Variants in MTF2 observed in about 807,000 individuals in gnomAD.
MTF2 encodes metal response element binding transcription factor 2.
MTF2 carries 11 observed loss-of-function variants against 79.5 expected under a neutral mutation model. The ratio of observed to expected loss-of-function variants is 0.14; its 90% CI spans 0.09 to 0.23. The LOEUF (loss-of-function observed/expected upper bound fraction) is 0.23, where lower values mean the gene tolerates loss of function less well. MTF2 is among the 10% of genes least tolerant of loss of function. MTF2 has a pLI of 1.00. For synonymous variants in MTF2, 208 were observed against 232.8 expected, an observed-to-expected ratio of 0.89 and a Z score of 0.97; for missense variants, 486 against 711.2, an observed-to-expected ratio of 0.68 and a Z score of 3.60.
At chr1:93,091,835 C>T (rs1406572532) in intron 1 of MTF2, among the ~76,000 whole-genome samples, 2 of 152,130 alleles carry the variant, frequency 1.3e-5, no homozygotes, top group East Asian at 3.8e-4. Context: ...CTTATTAAAA[C>T]AATTGTTTCT....
At chr1:93,080,340 ACT>A (rs747641081) in intron 1 of MTF2, among the ~76,000 whole-genome samples, 4 of 152,194 alleles carry the variant, frequency 2.6e-5, no homozygotes, top group African/African-American at 4.8e-5. Context: ...CAGAACTCTA[ACT>A]CTGTGTTTTA....
chr1:93,102,283 CT>C (rs1655576797), intron 1 of MTF2, among the ~76,000 whole-genome samples: 1 of 152,192 alleles, frequency 6.6e-6, no homozygotes, highest in South Asian at 2.1e-4. Context: ...AGAACATCAA[CT>C]GCAGTTTCCA....
chr1:93,126,481 CT>C (rs11354863), intron 9 of MTF2, among the ~76,000 whole-genome samples: 133,860 of 147,938 alleles, frequency 0.9, 60,557 homozygotes, highest in East Asian at 0.96. Context: ...TTGGAAGCAG[CT>C]TTTTTTTTTT....
chr1:93,098,215 AG>A (rs1189634774), intron 1 of MTF2, among the ~76,000 whole-genome samples: 3 of 152,136 alleles, frequency 2.0e-5, no homozygotes, highest in Non-Finnish European at 2.9e-5. Context: ...GTCCTCTCTA[AG>A]GTTCATCTCT....
chr1:93,120,597 G>T lies in MTF2; in HGVS notation c.846G>T (p.Lys282Asn). Residue 282 changes from lysine (K) to asparagine (N), a missense_variant, in exon 9 of 15, where the codon AAG (lysine) becomes AAT (asparagine). This residue lies in a region of MTF2 where 177 missense variants were observed against 364.0 expected (regional missense o/e 0.49). Transcript: ENST00000370298. ...TTTACAACCTAAGTGTTATTCATAA[G>T]AAGAAATACTTTGATTCTGAACTTG... ...LCLYNLSVIHKKKYFDSELEL... is the reference protein window; with the variant it reads ...LCLYNLSVIHNKKYFDSELEL... 1 of 1,608,018 alleles carries T rather than the reference G, an allele frequency of 6.2e-7. No individual in the cohort carries two copies. The highest frequency in any genetic ancestry group is 1.1e-5 in the South Asian group (1 of 90,100).
intron 6 of MTF2, among the ~76,000 whole-genome samples, chr1:93,117,544 A>G (rs1656297195): frequency 6.6e-6 from 1 of 152,230 alleles, no homozygotes; most frequent in South Asian, 2.1e-4. Context: ...TAGATTTATG[A>G]TAATGTTAAG....
intron 6 of MTF2, among the ~76,000 whole-genome samples, chr1:93,117,706 TC>T (rs1571241572): frequency 6.6e-6 from 1 of 152,158 alleles, no homozygotes; most frequent in Non-Finnish European, 1.5e-5. Flanking sequence ...ATCTGACCTC[TC>T]CTGGGGTTTA....
In MTF2 at chr1:93,097,022, C is replaced by G. The variant is rs60025932; in HGVS notation, c.6-13208C>G. ...ATGCGGTTTTACCATGTTGCCTAGG[C>G]TGGTCTCAAACTCCTGAGCTCAAAT... On this transcript the variant is annotated intron_variant, in intron 1 of 14. Coordinates refer to ENST00000370298, the MANE Select transcript of MTF2 (RefSeq NM_007358.4). 7.7e-3 allele frequency among the ~76,000 whole-genome samples: 1,177 copies of G among 152,044 alleles called. 21 individuals are homozygous for G. The highest frequency in any genetic ancestry group is 0.027 in the African/African-American group (1,123 of 41,468).
Position 93,129,283 on chromosome 1 carries a change from T to C in MTF2, c.995T>C (p.Met332Thr). 1 of 1,554,104 alleles carries C rather than the reference T, an allele frequency of 6.4e-7. No individual in the cohort carries two copies. Among genetic ancestry groups the C allele is most frequent in the Non-Finnish European group, 8.7e-7 (1 of 1,146,240 alleles). ...TAATTTTTTTAAAAATTTAGGTTTA[T>C]GTCTGGGAAAGAAATAAAGAAGAAG... is the stretch of plus-strand genomic sequence containing the variant. ...EALNDYKTMF[M>T]SGKEIKKKKH... The change falls in exon 11 of 15, where the codon ATG (methionine) becomes ACG (threonine). Residue 332 changes from methionine to threonine, a missense_variant. This residue lies in a region of MTF2 where 177 missense variants were observed against 364.0 expected (regional missense o/e 0.49). Coordinates refer to ENST00000370298, the MANE Select transcript of MTF2 (RefSeq NM_007358.4).
chr1:93,110,928 C>A (rs1404284888), intron 3 of MTF2, among the ~76,000 whole-genome samples: 1 of 152,142 alleles, frequency 6.6e-6, no homozygotes, highest in Non-Finnish European at 1.5e-5. Context: ...TCAACTGTTG[C>A]TTGCTTATAT....
chr1:93,128,626 A>G (rs1170455822), intron 10 of MTF2, among the ~76,000 whole-genome samples: 1 of 151,594 alleles, frequency 6.6e-6, no homozygotes, highest in Non-Finnish European at 1.5e-5. Context: ...TCTTGTGGCC[A>G]GGCAAGTTTC....
chr1:93,093,838 G>A (rs924877356), intron 1 of MTF2, among the ~76,000 whole-genome samples: 1 of 152,142 alleles, frequency 6.6e-6, no homozygotes, highest in Non-Finnish European at 1.5e-5. Context: ...CTCTGGAGTA[G>A]CTGGGACTAC....
chr1:93,125,389 TA>T (rs1656655039), intron 9 of MTF2, among the ~76,000 whole-genome samples: 1 of 151,788 alleles, frequency 6.6e-6, no homozygotes, highest in Non-Finnish European at 1.5e-5. Context: ...GATGAGATAT[TA>T]AAATGTGAAC....
chr1:93,118,487 A>C, intron 7 of MTF2, 47 bp downstream of exon 7: 1 of 1,318,730 alleles, frequency 7.6e-7, no homozygotes, highest in Non-Finnish European at 1.1e-6. Context: ...GTCACTTTTT[A>C]ATTGTGGTTA....
rs1199845356 is a variant in MTF2, at chr1:93,110,342, A to G, written c.118A>G (p.Lys40Glu). 5.6e-6 allele frequency: 9 copies of G among 1,614,084 alleles called. No individual in the cohort carries two copies. The highest frequency in any genetic ancestry group is 5.5e-5 in the South Asian group (5 of 91,086). The change falls in exon 2 of 15, where the codon AAA becomes GAA. Residue 40 changes from lysine (K) to glutamate (E), a missense_variant. Coordinates refer to ENST00000370298, the MANE Select transcript of MTF2 (RefSeq NM_007358.4). ...GTCTTTACAGGATGGACATAAAGCCAAAAAGCCAGCATGTAAATTTGAAGA... is the reference window on the plus strand; with the variant it reads ...GTCTTTACAGGATGGACATAAAGCCGAAAAGCCAGCATGTAAATTTGAAGA... ...KLSLQDGHKA[K>E]KPACKFEEGQ... is the part of the protein sequence containing the mutation.
At chr1:93,116,592 C>G (rs1055243202) in intron 6 of MTF2, among the ~76,000 whole-genome samples, 4 of 146,924 alleles carry the variant, frequency 2.7e-5, no homozygotes, top group African/African-American at 1.0e-4. Flanking sequence ...CAGCATTGAA[C>G]TGGGCTCAAG....
At chr1:93,101,597 T>TTTTTTTTTTG (rs71094228) in intron 1 of MTF2, among the ~76,000 whole-genome samples, 1 of 122,968 alleles carries the variant, frequency 8.1e-6, no homozygotes, top group East Asian at 2.2e-4. Flanking sequence ...TTTTTTTTTT[T>TTTTTTTTTTG]GAGACAGGGT....
intron 7 of MTF2, among the ~76,000 whole-genome samples, chr1:93,118,891 T>C (rs1656357442): frequency 1.3e-5 from 2 of 152,266 alleles, no homozygotes; most frequent in Admixed American, 6.5e-5. Flanking sequence ...GTTTGACATC[T>C]GAAAACCTGG....
intron 1 of MTF2, among the ~76,000 whole-genome samples, chr1:93,080,179 T>C (rs1012219943): frequency 1.1e-4 from 17 of 152,140 alleles, no homozygotes; most frequent in African/African-American, 4.1e-4. Context: ...ACCAAAAATA[T>C]GAGGCTTTTC....
Sources: allele counts gnomAD v4.1 joint callset (sites outside exome capture counted in the v4.1 genomes callset), GRCh38; gene constraint gnomAD v4.1.1; regional missense constraint gnomAD v4.1.1; transcripts MANE v1.5; gene names NCBI Gene and HGNC (gene_info 2026-07-23, HGNC 2026-07-21).